Variants in TCTN1 observed in about 807,000 individuals in gnomAD.
TCTN1 encodes the protein tectonic family member 1, also known as tectonic-1.
In TCTN1, 58 loss-of-function variants were observed where a neutral mutation model predicts 65.8. That is an observed-to-expected ratio of 0.88 (90% CI 0.71 to 1.10). The LOEUF is 1.10. Ranked by LOEUF, TCTN1 falls within the 50% of genes least tolerant of loss-of-function variation. TCTN1 has a pLI of 0.00. For synonymous variants in TCTN1, 273 were observed against 289.1 expected (o/e 0.94, Z 0.57); for missense variants, 645 against 719.4 (o/e 0.90, Z 1.18).
chr12:110,647,641 T>G, intron 13 of TCTN1, 108 bp from the exon 14 acceptor site: 1 of 1,537,422 alleles, frequency 6.5e-7, no homozygotes. Flanking sequence ...ACCTATCAGA[T>G]TCATGAACTG....
intron 4 of TCTN1, among the ~76,000 whole-genome samples, chr12:110,631,172 G>T (rs2066208066): frequency 6.6e-6 from 1 of 151,870 alleles, no homozygotes; most frequent in Admixed American, 6.6e-5. Flanking sequence ...CACCATGTTG[G>T]CCAGGCTGGT....
At chr12:110,624,386 TC>T (rs2065679480) in intron 2 of TCTN1, among the ~76,000 whole-genome samples, 1 of 151,882 alleles carries the variant, frequency 6.6e-6, no homozygotes, top group Admixed American at 6.6e-5. Flanking sequence ...ACTAATTTTT[TC>T]TTTGTTTTTT....
intron 12 of TCTN1, chr12:110,645,377 T>C: frequency 1.9e-6 from 1 of 519,958 alleles, no homozygotes; most frequent in Non-Finnish European, 3.5e-6. Flanking sequence ...AATGGCCTCA[T>C]GGGGCATTGA....
At chr12:110,620,577 A>T (rs1183220706) in intron 2 of TCTN1, among the ~76,000 whole-genome samples, 2 of 152,192 alleles carry the variant, frequency 1.3e-5, no homozygotes, top group South Asian at 2.1e-4. Context: ...GTATCAGTGA[A>T]TTAGTATAGC....
At position 110,619,966 on chromosome 12, in the gene TCTN1, C is replaced by A; in HGVS notation, c.341+10C>A. 1 of 1,614,072 alleles carries A rather than the reference C, an allele frequency of 6.2e-7. No individual in the cohort carries two copies. Among genetic ancestry groups the A allele is most frequent in the Non-Finnish European group, 8.5e-7 (1 of 1,180,006 alleles). On this transcript the variant is annotated intron_variant, in intron 2 of 14. Coordinates refer to ENST00000397659, the MANE Select transcript of TCTN1 (RefSeq NM_001082538.3). ...CAGTTCCAGTTGTCACGTAAGTTTA[C>A]GTATGACACATGCAATTTTGAAAAA...
At chr12:110,628,199 A>G (rs1267132275) in intron 3 of TCTN1, 2 of 1,535,872 alleles carry the variant, frequency 1.3e-6, no homozygotes, top group African/African-American at 2.7e-5. Context: ...ACGGATTATT[A>G]TTGGCTTCTG....
rs746802313 is a variant in TCTN1, at chr12:110,649,365, G to A, written c.*324G>A. The A allele has an allele frequency of 9.3e-6, 14 of 1,501,178 alleles. No homozygotes were observed. In the South Asian group the frequency reaches 1.6e-4, roughly 17 times the overall value. 93.0% of individuals were successfully genotyped at this position (1,501,178 alleles called of 1,614,324 possible). A position where few individuals can be genotyped will look rare whatever the true frequency, so the allele number is the denominator to read the frequency against. ...CAGCTGTTCCTCTCGTGACAGCACA[G>A]GCCCATGAGACAGTGTCTTCTTTTT... On this transcript the variant is annotated 3_prime_UTR_variant, in exon 15 of 15. Transcript: ENST00000397659.
intron 4 of TCTN1, chr12:110,629,346 A>T (rs146431238): frequency 0.019 from 3,473 of 185,412 alleles, 131 homozygotes; most frequent in African/African-American, 0.076. Context: ...CAATCTATCC[A>T]TATGACAAAG....
At chr12:110,647,387 A>T in intron 13 of TCTN1, 51 bp downstream of exon 13, 1 of 1,608,472 alleles carries the variant, frequency 6.2e-7, no homozygotes, top group Non-Finnish European at 8.5e-7. Flanking sequence ...GTCTAGACAC[A>T]ACTCAAGTGT....
At chr12:110,632,997 C>T (rs1165932513) in intron 5 of TCTN1, among the ~76,000 whole-genome samples, 2 of 152,184 alleles carry the variant, frequency 1.3e-5, no homozygotes, top group Non-Finnish European at 1.5e-5. Flanking sequence ...TAAATACTCT[C>T]TGTAATCCCT....
At chr12:110,616,045 T>G (rs564665195) in intron 1 of TCTN1, among the ~76,000 whole-genome samples, 1 of 151,974 alleles carries the variant, frequency 6.6e-6, no homozygotes, top group East Asian at 1.9e-4. Flanking sequence ...GTTAAATCAG[T>G]GATAAACTGG....
At chr12:110,641,804 C>T (rs2066973464) in intron 10 of TCTN1, 177 bp downstream of exon 10, 4 of 619,790 alleles carry the variant, frequency 6.5e-6, no homozygotes, top group Non-Finnish European at 1.1e-5. Context: ...AGCAGGTGGG[C>T]TGGGGGGAGA....
intron 2 of TCTN1, among the ~76,000 whole-genome samples, chr12:110,621,495 CAG>C (rs2065428517): frequency 6.7e-6 from 1 of 148,740 alleles, no homozygotes. Flanking sequence ...TTTTTTGAGA[CAG>C]AGTCTTGCTC....
intron 4 of TCTN1, 126 bp from the exon 5 acceptor site, chr12:110,632,346 T>G: frequency 1.1e-6 from 1 of 905,818 alleles, no homozygotes; most frequent in Non-Finnish European, 1.8e-6. Flanking sequence ...AAGGACCACA[T>G]CTGTTTTTTG....
chr12:110,621,394 T>C (rs16940912), intron 2 of TCTN1, among the ~76,000 whole-genome samples: 7,186 of 152,236 alleles, frequency 0.047, 231 homozygotes, highest in Non-Finnish European at 0.073. Flanking sequence ...CATGTTTCAG[T>C]ATTTGTTGAA....
At chr12:110,634,546 A>C (rs1285728004) in intron 5 of TCTN1, 124 bp from the exon 6 acceptor site, 4 of 763,498 alleles carry the variant, frequency 5.2e-6, no homozygotes, top group Admixed American at 5.0e-5. Context: ...ACAAAATTGT[A>C]TATCTGTGTT....
chr12:110,626,381 A>C lies in TCTN1; in HGVS notation c.361A>C (p.Ser121Arg), dbSNP rs769367814. 1.3e-6 allele frequency: 2 copies of C among 1,591,390 alleles called. No individual in the cohort carries two copies. The highest frequency in any genetic ancestry group is 4.5e-5 in the East Asian group (2 of 44,498). The change falls in exon 3 of 15, where the codon AGT becomes CGT. Residue 121 changes from serine to arginine, a missense_variant. Transcript: ENST00000397659. Reference sequence around the variant, plus strand: ...TTTCAGGGGCGACAGCCAGTTTTGTAGTCAAAAAGCAGTCATCTATTCATT... The same window carrying C: ...TTTCAGGGGCGACAGCCAGTTTTGTCGTCAAAAAGCAGTCATCTATTCATT... The part of the protein sequence containing the change: ...PVVTGDSQFC[S>R]QKAVIYSLNF...
chr12:110,615,925 A>G (rs1032861347), intron 1 of TCTN1, among the ~76,000 whole-genome samples: 8 of 152,238 alleles, frequency 5.3e-5, no homozygotes, highest in Non-Finnish European at 1.0e-4. Context: ...TCCTTTCTGA[A>G]TTACGAGTAA....
chr12:110,647,967 TA>T, intron 14 of TCTN1, 74 bp downstream of exon 14: 1 of 1,591,220 alleles, frequency 6.3e-7, no homozygotes, highest in East Asian at 2.2e-5. Flanking sequence ...TAGAAGTCCC[TA>T]GGGGATACTG....
Sources: allele counts gnomAD v4.1 joint callset (sites outside exome capture counted in the v4.1 genomes callset), GRCh38; gene constraint gnomAD v4.1.1; transcripts MANE v1.5; gene names NCBI Gene and HGNC (gene_info 2026-07-23, HGNC 2026-07-21).